ZFHX3: variants seen among roughly 807,000 people sequenced by gnomAD.
ZFHX3 encodes the protein zinc finger homeobox 3, also known as zinc finger homeobox protein 3.
In ZFHX3, 42 loss-of-function variants were observed where a neutral mutation model predicts 279.1. The ratio of observed to expected loss-of-function variants is 0.15; its 90% CI spans 0.12 to 0.19. The LOEUF (loss-of-function observed/expected upper bound fraction) is 0.19. Among genes scored for constraint, ZFHX3 ranks in the 10% least tolerant of loss-of-function variants. The probability of loss-of-function intolerance (pLI) is 1.00; values close to 1 mark genes in which losing one functional copy is unlikely to be tolerated. For missense variants in ZFHX3, 4,981 were observed against 4,754.0 expected (o/e 1.05, Z -1.40); for synonymous variants, 2,293 against 1,957.8 (o/e 1.17, Z -4.52).
intron 2 of ZFHX3, among the ~76,000 whole-genome samples, chr16:73,625,396 G>A (rs781511433): frequency 6.6e-6 from 1 of 152,344 alleles, no homozygotes; most frequent in South Asian, 2.1e-4. Context: ...AAATGTAATA[G>A]AAGCAACCTG....
At chr16:73,170,223 GTTTTTTTTTT>G (rs1156523996) in intron 5 of ZFHX3, among the ~76,000 whole-genome samples, 3 of 57,718 alleles carry the variant, frequency 5.2e-5, no homozygotes, top group Non-Finnish European at 5.9e-5. Flanking sequence ...CCTTTCACTA[GTTTTTTTTTT>G]TTTTTTTTTT....
At chr16:73,191,605 C>G (rs1346608986) in intron 5 of ZFHX3, among the ~76,000 whole-genome samples, 1 of 152,208 alleles carries the variant, frequency 6.6e-6, no homozygotes, top group Non-Finnish European at 1.5e-5. Context: ...TGGTCACCTC[C>G]ATCCTACTCG....
At chr16:73,027,899 G>A (rs1005064347) in intron 1 of ZFHX3, among the ~76,000 whole-genome samples, 5 of 151,952 alleles carry the variant, frequency 3.3e-5, no homozygotes, top group Admixed American at 6.6e-5. Context: ...ATACACTGCC[G>A]GGTGCCTTGC....
intron 2 of ZFHX3, among the ~76,000 whole-genome samples, chr16:73,521,061 C>G (rs2019600561): frequency 6.6e-6 from 1 of 152,226 alleles, no homozygotes; most frequent in Non-Finnish European, 1.5e-5. Flanking sequence ...ATCCAAAGAA[C>G]AAAATCAAAA....
At chr16:73,145,838 T>C (rs1484250959) in intron 5 of ZFHX3, among the ~76,000 whole-genome samples, 1 of 152,122 alleles carries the variant, frequency 6.6e-6, no homozygotes, top group East Asian at 1.9e-4. Context: ...AAAATAGATA[T>C]AAGAGGTCCT....
chr16:73,452,407 T>A (rs993368928), intron 3 of ZFHX3, among the ~76,000 whole-genome samples: 2 of 152,200 alleles, frequency 1.3e-5, no homozygotes, highest in Non-Finnish European at 2.9e-5. Context: ...AATTTTTTAA[T>A]CACATTAAAA....
intron 2 of ZFHX3, among the ~76,000 whole-genome samples, chr16:73,472,872 C>A (rs771776031): frequency 6.6e-6 from 1 of 152,168 alleles, no homozygotes; most frequent in African/African-American, 2.4e-5. Flanking sequence ...TCTATTGCCA[C>A]CTTGGTCCAC....
chr16:73,106,531 T>C (rs779649884), intron 7 of ZFHX3, among the ~76,000 whole-genome samples: 2 of 152,186 alleles, frequency 1.3e-5, no homozygotes, highest in Admixed American at 1.3e-4. Flanking sequence ...ATCCCTTTAT[T>C]GTGCCCTTGG....
intron 2 of ZFHX3, among the ~76,000 whole-genome samples, chr16:73,519,845 A>T (rs774702326): frequency 3.3e-5 from 5 of 152,204 alleles, no homozygotes; most frequent in Non-Finnish European, 7.3e-5. Context: ...TGGAAGTGGC[A>T]TTGCTCACAA....
chr16:73,296,612 A>G (rs12050955), intron 4 of ZFHX3, among the ~76,000 whole-genome samples: 63,407 of 151,986 alleles, frequency 0.42, 13,460 homozygotes, highest in Middle Eastern at 0.5. Flanking sequence ...CTATTCCCCA[A>G]TCCCTTATTC....
chr16:73,563,220 GTGTTT>G (rs1321078763), intron 2 of ZFHX3, among the ~76,000 whole-genome samples: 1 of 116,686 alleles, frequency 8.6e-6, no homozygotes, highest in Non-Finnish European at 1.8e-5. Context: ...GTGTGTGTGT[GTGTTT>G]TGTTTTTGTT....
chr16:73,650,600 C>G (rs1323979017), intron 2 of ZFHX3, among the ~76,000 whole-genome samples: 5 of 152,136 alleles, frequency 3.3e-5, no homozygotes, highest in Non-Finnish European at 1.5e-5. Context: ...CTATTTTCCT[C>G]CAAAATCACT....
intron 7 of ZFHX3, among the ~76,000 whole-genome samples, chr16:73,108,004 A>G (rs1362808862): frequency 6.6e-6 from 1 of 152,194 alleles, no homozygotes; most frequent in Non-Finnish European, 1.5e-5. Flanking sequence ...TACTAAAAAT[A>G]CAAAAAATTA....
chr16:73,834,317 C>A (rs972717537), intron 1 of ZFHX3, among the ~76,000 whole-genome samples: 1 of 152,160 alleles, frequency 6.6e-6, no homozygotes, highest in Non-Finnish European at 1.5e-5. Context: ...GATGAAGGAT[C>A]ATTTCTTTAC....
intron 1 of ZFHX3, among the ~76,000 whole-genome samples, chr16:72,990,223 T>G (rs1414692013): frequency 6.6e-6 from 1 of 152,170 alleles, no homozygotes; most frequent in Non-Finnish European, 1.5e-5. Context: ...ACCCGTCCCT[T>G]GGCACTGTCA....
chr16:73,773,374 A>G (rs2054041512), intron 1 of ZFHX3, among the ~76,000 whole-genome samples: 1 of 152,146 alleles, frequency 6.6e-6, no homozygotes, highest in Non-Finnish European at 1.5e-5. Context: ...TTCCATTATC[A>G]TCAAACTGTT....
rs542528795 is a variant in ZFHX3 at position 73,656,835 on chromosome 16, A to T, written c.-1547+23345T>A. Among the ~76,000 whole-genome samples the T allele has an allele frequency of 1.4e-4, 22 of 152,354 alleles. 1 individual carries two copies. The highest frequency in any genetic ancestry group is 1.2e-3 in the Admixed American group (18 of 15,306). On this transcript the variant is annotated intron_variant, in intron 2 of 17. Transcript: ENST00000641206. ...CTTTTCTCATTCTTTCTAAATTTCA[A>T]ACATGATTTATATCAAAATGTTAAG...
chr16:73,614,141 A>G (rs577172343), intron 2 of ZFHX3, among the ~76,000 whole-genome samples: 1 of 152,344 alleles, frequency 6.6e-6, no homozygotes, highest in African/African-American at 2.4e-5. Context: ...AAGAAAGGAA[A>G]AAGAATAGGT....
rs570109742 is a variant in ZFHX3, at chr16:72,884,378, G to A, written c.3448+5353C>T. ...CAAGTCTCTTAAATTCTGAATGATC[G>A]TGCACCCTCTGTAAACTGAGTCCGG... On this transcript the variant is annotated intron_variant, in intron 4 of 9. Transcript: ENST00000268489. Among the ~76,000 whole-genome samples, 7 of 152,262 alleles carry A rather than the reference G, an allele frequency of 4.6e-5. No homozygotes were observed. The South Asian group carries it at 1.5e-3, about 32-fold the overall frequency.
Sources: gnomAD v4.1 joint callset for allele counts (sites outside exome capture counted in the v4.1 genomes callset) on GRCh38, gnomAD v4.1.1 for gene constraint, MANE v1.5 for transcripts, NCBI Gene and HGNC (gene_info 2026-07-23, HGNC 2026-07-21) for gene names.